The following PLEKHM3 variants were observed in gnomAD, a reference collection of about 807,000 sequenced individuals.
PLEKHM3 encodes pleckstrin homology domain containing M3.
A neutral mutation model predicts 81.8 loss-of-function variants in PLEKHM3; 45 were observed. That is an observed-to-expected ratio of 0.55 (90% CI 0.43 to 0.71). The LOEUF (loss-of-function observed/expected upper bound fraction) is 0.71, where lower values mean the gene tolerates loss of function less well. Ranked by LOEUF, PLEKHM3 falls within the 30% of genes least tolerant of loss-of-function variation. The pLI, the probability that PLEKHM3 is intolerant of heterozygous loss-of-function variation, is 0.00. For missense variants in PLEKHM3, 788 were observed against 924.3 expected, an observed-to-expected ratio of 0.85 and a Z score of 1.91; for synonymous variants, 352 against 356.4, an observed-to-expected ratio of 0.99 and a Z score of 0.14.
At chr2:207,978,214 A>G (rs1234425086) in intron 2 of PLEKHM3, among the ~76,000 whole-genome samples, 1 of 152,162 alleles carries the variant, frequency 6.6e-6, no homozygotes, top group Non-Finnish European at 1.5e-5. Context: ...TCTGTGTAGA[A>G]AACAGAAATA....
rs150540878 is a variant in PLEKHM3, at chr2:207,910,050, G to A, written c.1887-1473C>T. ...ACCTCTCCCGGAAAGTAGGAAAGTC[G>A]CTGAAGAATTCTGCTGGAAAGCACT... On this transcript the variant is annotated intron_variant, in intron 5 of 7. Transcript: ENST00000427836. Among the ~76,000 whole-genome samples the A allele has an allele frequency of 4.0e-4, 61 of 152,296 alleles. No individual in the cohort carries two copies. The East Asian group carries it at 0.01, about 26-fold the overall frequency.
At chr2:208,017,080 CA>C (rs1257934695) in intron 1 of PLEKHM3, among the ~76,000 whole-genome samples, 1 of 152,288 alleles carries the variant, frequency 6.6e-6, no homozygotes, top group African/African-American at 2.4e-5. Context: ...CAGCATTTAG[CA>C]AACTCAAGTT....
At chr2:208,006,178 T>C (rs898233485) in intron 1 of PLEKHM3, among the ~76,000 whole-genome samples, 21 of 152,234 alleles carry the variant, frequency 1.4e-4, no homozygotes, top group African/African-American at 4.6e-4. Context: ...TGGAATTTCA[T>C]CTTTTTCCTG....
intron 3 of PLEKHM3, among the ~76,000 whole-genome samples, chr2:207,963,352 C>T (rs1275808252): frequency 6.6e-6 from 1 of 152,122 alleles, no homozygotes; most frequent in Non-Finnish European, 1.5e-5. Context: ...AGAGTTGAAA[C>T]TGAGGAGGTG....
chr2:207,852,318 G>A (rs187005543), intron 7 of PLEKHM3, among the ~76,000 whole-genome samples: 1 of 152,240 alleles, frequency 6.6e-6, no homozygotes, highest in East Asian at 1.9e-4. Flanking sequence ...TAAAATGGAA[G>A]TTACACTATT....
intron 1 of PLEKHM3, among the ~76,000 whole-genome samples, chr2:208,003,929 A>C (rs1275098494): frequency 6.6e-6 from 1 of 152,266 alleles, no homozygotes; most frequent in Non-Finnish European, 1.5e-5. Flanking sequence ...ACCAAGGTTC[A>C]GAGCATTAAG....
intron 4 of PLEKHM3, among the ~76,000 whole-genome samples, chr2:207,943,120 T>C (rs13016176): frequency 0.2 from 30,768 of 152,112 alleles, 3,715 homozygotes; most frequent in Middle Eastern, 0.34. Flanking sequence ...TTTGATAGCA[T>C]AGTAGGGCAA....
intron 1 of PLEKHM3, among the ~76,000 whole-genome samples, chr2:208,014,783 T>C (rs1041893334): frequency 2.6e-5 from 4 of 152,252 alleles, no homozygotes; most frequent in African/African-American, 9.6e-5. Context: ...GCCTGAACAT[T>C]CTGGAGTTGA....
At chr2:208,012,017 C>T (rs1008752343) in intron 1 of PLEKHM3, among the ~76,000 whole-genome samples, 2 of 150,950 alleles carry the variant, frequency 1.3e-5, no homozygotes, top group African/African-American at 4.9e-5. Flanking sequence ...AGGCTGGTCT[C>T]GAACTCTGAT....
At chr2:207,884,128 C>T (rs1687807107) in intron 6 of PLEKHM3, among the ~76,000 whole-genome samples, 2 of 148,834 alleles carry the variant, frequency 1.3e-5, no homozygotes, top group African/African-American at 4.9e-5. Flanking sequence ...GCGAGACCCC[C>T]GTCCCCACCC....
intron 1 of PLEKHM3, among the ~76,000 whole-genome samples, chr2:208,022,458 T>C (rs755682446): frequency 1.3e-5 from 2 of 152,170 alleles, no homozygotes; most frequent in Non-Finnish European, 2.9e-5. Context: ...TATCTATTAA[T>C]AGAAACTCAG....
chr2:207,962,847 A>G (rs566351584), intron 3 of PLEKHM3, among the ~76,000 whole-genome samples: 1 of 152,000 alleles, frequency 6.6e-6, no homozygotes, highest in South Asian at 2.1e-4. Flanking sequence ...ATTATGGTTA[A>G]GTAAGTTAGG....
At chr2:207,945,406 T>C (rs1421421872) in intron 4 of PLEKHM3, among the ~76,000 whole-genome samples, 2 of 152,230 alleles carry the variant, frequency 1.3e-5, no homozygotes, top group Admixed American at 1.3e-4. Flanking sequence ...GCTATTAGCA[T>C]ATACCTGTGA....
At chr2:208,020,677 G>A (rs1693098175) in intron 1 of PLEKHM3, among the ~76,000 whole-genome samples, 1 of 152,068 alleles carries the variant, frequency 6.6e-6, no homozygotes. Flanking sequence ...TGAACCAAAT[G>A]CCAAATGTAC....
intron 5 of PLEKHM3, among the ~76,000 whole-genome samples, chr2:207,912,976 T>C (rs928456023): frequency 6.6e-6 from 1 of 152,284 alleles, no homozygotes; most frequent in Admixed American, 6.5e-5. Flanking sequence ...CAGCTTCCCA[T>C]CTGGGTGATT....
chr2:207,976,796 G>GCAAAA lies in PLEKHM3; in HGVS notation c.1400_1401insTTTTG (p.Thr468PhefsTer4). On this transcript the variant is annotated frameshift_variant, in exon 3 of 8. Transcript: ENST00000427836. LOFTEE classifies it high-confidence loss of function. This position sits in a 1 kb window ranked among gnomAD's most constrained non-coding sequence, Gnocchi z 4.1. ...GATCCTTGGGTTTGTTCCTCAGTGT[G>GCAAAA]ACTTGCAGGTTTTGCTCTGAACTCC... 1 of 1,614,254 alleles carries GCAAAA rather than the reference G, an allele frequency of 6.2e-7. No individual in the cohort carries two copies. Among genetic ancestry groups the GCAAAA allele is most frequent in the Non-Finnish European group, 8.5e-7 (1 of 1,180,054 alleles).
At chr2:207,852,872 C>T (rs965706770) in intron 7 of PLEKHM3, 2 of 420,130 alleles carry the variant, frequency 4.8e-6, no homozygotes, top group African/African-American at 4.2e-5. Context: ...AAAAAAACCC[C>T]AAACCTAAAA....
At chr2:208,015,744 C>A (rs1692884680) in intron 1 of PLEKHM3, among the ~76,000 whole-genome samples, 1 of 152,194 alleles carries the variant, frequency 6.6e-6, no homozygotes, top group Admixed American at 6.5e-5. Flanking sequence ...CCTGCAACAT[C>A]ATTTTTTATT....
intron 5 of PLEKHM3, among the ~76,000 whole-genome samples, chr2:207,917,743 G>A (rs1206759566): frequency 6.6e-6 from 1 of 152,134 alleles, no homozygotes; most frequent in Non-Finnish European, 1.5e-5. Flanking sequence ...AGCTACTCAG[G>A]AGGCTGAAGT....
Sources: gnomAD v4.1 joint callset for allele counts (sites outside exome capture counted in the v4.1 genomes callset) on GRCh38, gnomAD v4.1.1 for gene constraint, Gnocchi (gnomAD v3.1) non-coding constraint, MANE v1.5 for transcripts, NCBI Gene and HGNC (gene_info 2026-07-23, HGNC 2026-07-21) for gene names.